Variants in EPHA7 observed in about 807,000 individuals in gnomAD.
The protein encoded by EPHA7 is ephrin type-A receptor 7.
Under a neutral mutation model 112.6 loss-of-function variants are expected in EPHA7, and 25 were observed. The observed-to-expected ratio is 0.22, with a 90% CI of 0.16 to 0.31. EPHA7 has a LOEUF of 0.31. Among genes scored for constraint, EPHA7 ranks in the 10% least tolerant of loss-of-function variants. The probability of loss-of-function intolerance (pLI) is 1.00; values close to 1 mark genes in which losing one functional copy is unlikely to be tolerated. For missense variants in EPHA7, 962 were observed against 1,212.6 expected (o/e 0.79, Z 3.07); for synonymous variants, 437 against 406.5 (o/e 1.07, Z -0.90).
At chr6:93,385,513 A>T (rs2127975544) in intron 3 of EPHA7, among the ~76,000 whole-genome samples, 1 of 152,022 alleles carries the variant, frequency 6.6e-6, no homozygotes, top group South Asian at 2.1e-4. Context: ...AAAATAAAAA[A>T]CCCTATATTT....
At chr6:93,249,911 A>G (rs1770130472) in intron 14 of EPHA7, among the ~76,000 whole-genome samples, 1 of 152,188 alleles carries the variant, frequency 6.6e-6, no homozygotes, top group Non-Finnish European at 1.5e-5. Context: ...ACATAGGACC[A>G]TTAAATGATT....
At chr6:93,323,316 A>G (rs1357466804) in intron 5 of EPHA7, among the ~76,000 whole-genome samples, 1 of 151,422 alleles carries the variant, frequency 6.6e-6, no homozygotes, top group East Asian at 1.9e-4. Context: ...AATGGGGTAA[A>G]ACGTTTTCGA....
intron 7 of EPHA7, among the ~76,000 whole-genome samples, 180 bp from the exon 8 acceptor site, chr6:93,264,882 C>T (rs75853807): frequency 0.035 from 5,280 of 151,626 alleles, 321 homozygotes; most frequent in African/African-American, 0.12. Context: ...CTTGTAAGGA[C>T]AATACTTTCA....
intron 5 of EPHA7, among the ~76,000 whole-genome samples, chr6:93,354,051 T>A (rs1775822634): frequency 6.6e-6 from 1 of 152,104 alleles, no homozygotes. Flanking sequence ...TAGGCATCAG[T>A]GGATTGCTGA....
At chr6:93,338,865 T>C (rs1775003713) in intron 5 of EPHA7, among the ~76,000 whole-genome samples, 1 of 150,874 alleles carries the variant, frequency 6.6e-6, no homozygotes, top group African/African-American at 2.4e-5. Flanking sequence ...ATATGTATTA[T>C]ATATTGTAAT....
At chr6:93,405,287 CA>C (rs1778640066) in intron 3 of EPHA7, among the ~76,000 whole-genome samples, 1 of 151,646 alleles carries the variant, frequency 6.6e-6, no homozygotes, top group Non-Finnish European at 1.5e-5. Context: ...TAAGTTCAAT[CA>C]AGGTGATACA....
chr6:93,382,963 T>C (rs1777415197), intron 3 of EPHA7, among the ~76,000 whole-genome samples: 1 of 152,312 alleles, frequency 6.6e-6, no homozygotes, highest in Non-Finnish European at 1.5e-5. Flanking sequence ...TATTTGAAAC[T>C]GCTTCCGTCT....
intron 3 of EPHA7, among the ~76,000 whole-genome samples, chr6:93,391,822 T>C (rs748935956): frequency 8.6e-5 from 13 of 151,694 alleles, no homozygotes; most frequent in Non-Finnish European, 1.5e-4. Context: ...TGCTTCCGAA[T>C]TTACCTTCCA....
At chr6:93,403,753 A>C (rs186844589) in intron 3 of EPHA7, among the ~76,000 whole-genome samples, 1 of 152,098 alleles carries the variant, frequency 6.6e-6, no homozygotes, top group African/African-American at 2.4e-5. Context: ...AATTTCTACA[A>C]CCGGGAGACC....
At chr6:93,253,272 A>C (rs1254179334) in intron 14 of EPHA7, among the ~76,000 whole-genome samples, 1 of 152,096 alleles carries the variant, frequency 6.6e-6, no homozygotes, top group Non-Finnish European at 1.5e-5. Flanking sequence ...TTAGACTTTT[A>C]TCTTTGAAAA....
At chr6:93,269,681 A>C in intron 6 of EPHA7, 21 bp from the exon 7 acceptor site, 1 of 1,487,964 alleles carries the variant, frequency 6.7e-7, no homozygotes, top group Non-Finnish European at 8.9e-7. Context: ...TATTTAGAGG[A>C]AATATTTAAT....
chr6:93,352,496 G>A (rs927297309), intron 5 of EPHA7, among the ~76,000 whole-genome samples: 1 of 151,938 alleles, frequency 6.6e-6, no homozygotes, highest in Non-Finnish European at 1.5e-5. Context: ...CATCTTTTAT[G>A]GAAGGGCTTT....
intron 5 of EPHA7, among the ~76,000 whole-genome samples, chr6:93,342,565 T>A (rs1775194829): frequency 6.6e-6 from 1 of 151,762 alleles, no homozygotes; most frequent in Non-Finnish European, 1.5e-5. Context: ...ATAAATTAGA[T>A]AAATAGAATG....
chr6:93,403,145 A>C (rs1778511762), intron 3 of EPHA7, among the ~76,000 whole-genome samples: 1 of 152,104 alleles, frequency 6.6e-6, no homozygotes, highest in African/African-American at 2.4e-5. Flanking sequence ...ATCCTCACAA[A>C]GTTGAAGACT....
chr6:93,256,808 G>A (rs1406421088), intron 12 of EPHA7, among the ~76,000 whole-genome samples: 2 of 151,938 alleles, frequency 1.3e-5, no homozygotes, highest in East Asian at 1.9e-4. Flanking sequence ...CTGTTTATAC[G>A]CCTGAGTTAA....
At chr6:93,394,752 T>C (rs1778083146) in intron 3 of EPHA7, among the ~76,000 whole-genome samples, 1 of 151,840 alleles carries the variant, frequency 6.6e-6, no homozygotes, top group Admixed American at 6.6e-5. Flanking sequence ...ATGATTGATG[T>C]CAATTAGATG....
chr6:93,324,284 C>CT (rs139032542), intron 5 of EPHA7, among the ~76,000 whole-genome samples: 2,528 of 151,402 alleles, frequency 0.017, 70 homozygotes, highest in African/African-American at 0.057. Context: ...TCATCAGAAT[C>CT]TTTTTAATTG....
Position 93,261,952 on chromosome 6 carries a change from G to A in EPHA7, c.1798+1908C>T, listed in dbSNP as rs921729401. Among the ~76,000 whole-genome samples the A allele has an allele frequency of 2.6e-5, 4 of 151,446 alleles. 1 individual carries two copies. The highest frequency in any genetic ancestry group is 9.7e-5 in the African/African-American group (4 of 41,366). On this transcript the variant is annotated intron_variant, in intron 9 of 16. Transcript: ENST00000369303. ...ACTGACCTTCTGCATTAACCTGCAA[G>A]TTAAAAGTAAATAAACTGGTGTATG...
chr6:93,255,926 G>A lies in EPHA7; in HGVS notation c.2284C>T (p.Arg762Cys). 1 of 1,613,970 alleles carries A rather than the reference G, an allele frequency of 6.2e-7. No individual in the cohort carries two copies. The highest frequency in any genetic ancestry group is 8.5e-7 in the Non-Finnish European group (1 of 1,179,994). Residue 762 changes from arginine (R) to cysteine (C), a missense_variant, in exon 13 of 17, where the codon CGC (arginine) becomes TGC (cysteine). Coordinates refer to ENST00000369303, the MANE Select transcript of EPHA7 (RefSeq NM_004440.4). ...MGYVHRDLAARNILVNSNLVC... is the reference protein window; with the variant it reads ...MGYVHRDLAACNILVNSNLVC... Reference sequence around the variant, plus strand: ...AGATTGCTGTTGACAAGAATATTGCGAGCTGCAAGGTCCCTGTGAACATAT... The same window carrying A: ...AGATTGCTGTTGACAAGAATATTGCAAGCTGCAAGGTCCCTGTGAACATAT...
Sources: allele counts gnomAD v4.1 joint callset (sites outside exome capture counted in the v4.1 genomes callset), GRCh38; gene constraint gnomAD v4.1.1; transcripts MANE v1.5; gene names NCBI Gene and HGNC (gene_info 2026-07-23, HGNC 2026-07-21).